Variants in ARMH4 observed in about 807,000 individuals in gnomAD.
The protein encoded by ARMH4 is armadillo-like helical domain-containing protein 4.
In ARMH4, 49 loss-of-function variants were observed where a neutral mutation model predicts 61.9. The observed-to-expected ratio is 0.79, with a 90% CI of 0.63 to 1.00. The LOEUF (loss-of-function observed/expected upper bound fraction) is 1.00. Ranked by LOEUF, ARMH4 falls within the 50% of genes least tolerant of loss-of-function variation. ARMH4 has a pLI of 0.00. For missense variants in ARMH4, 934 were observed against 930.0 expected (o/e 1.00, Z -0.06); for synonymous variants, 368 against 341.5 (o/e 1.08, Z -0.85).
intron 4 of ARMH4, among the ~76,000 whole-genome samples, chr14:58,123,226 T>C (rs1019344817): frequency 5.3e-5 from 8 of 152,072 alleles, no homozygotes; most frequent in African/African-American, 1.9e-4. Flanking sequence ...CACCTGAACA[T>C]AGGAGAAGGA....
intron 5 of ARMH4, among the ~76,000 whole-genome samples, chr14:58,054,777 A>AG (rs2141205464): frequency 6.6e-6 from 1 of 151,860 alleles, no homozygotes; most frequent in African/African-American, 2.4e-5. Context: ...AGGCACCTGT[A>AG]ATGCCAGAAG....
At chr14:58,128,867 G>C (rs1253077149) in intron 4 of ARMH4, among the ~76,000 whole-genome samples, 2 of 152,182 alleles carry the variant, frequency 1.3e-5, no homozygotes, top group Admixed American at 6.5e-5. Context: ...CAGGGTCTTG[G>C]CATACATAAT....
chr14:58,141,567 C>T, intron 1 of ARMH4: 2 of 504,434 alleles, frequency 4.0e-6, no homozygotes. Context: ...AGATGATCTG[C>T]TGCAAGTGCT....
chr14:58,031,496 T>C (rs1883228132), intron 5 of ARMH4, among the ~76,000 whole-genome samples: 2 of 152,250 alleles, frequency 1.3e-5, no homozygotes, highest in South Asian at 4.1e-4. Flanking sequence ...CTGCAGCAAG[T>C]TACAAATGTA....
intron 1 of ARMH4, among the ~76,000 whole-genome samples, chr14:58,149,022 T>C (rs1316771809): frequency 6.6e-6 from 1 of 152,218 alleles, no homozygotes; most frequent in African/African-American, 2.4e-5. Flanking sequence ...GTCTTAATAA[T>C]CTTTCCATTT....
At chr14:58,058,159 T>C (rs528809254) in intron 5 of ARMH4, among the ~76,000 whole-genome samples, 4 of 152,364 alleles carry the variant, frequency 2.6e-5, no homozygotes, top group South Asian at 4.1e-4. Context: ...TTCAAGGTAA[T>C]GATATAAAAT....
rs1001211483 is a variant in ARMH4, at chr14:58,035,053, C to T, written c.2090-22903G>A. Among the ~76,000 whole-genome samples the T allele has an allele frequency of 2.8e-5, 4 of 142,318 alleles. No individual in the cohort carries two copies. In the Admixed American group the frequency reaches 2.8e-4, roughly 10 times the overall value. 93.4% of individuals were successfully genotyped at this position (142,318 alleles called of 152,430 possible). ...TTAACTCAGCTCTGCACCAAGCGGA[C>T]CTAATAGACATCTACAGAACTCTCC... On this transcript the variant is annotated intron_variant, in intron 5 of 7. Coordinates refer to ENST00000267485, the MANE Select transcript of ARMH4 (RefSeq NM_001001872.4).
intron 3 of ARMH4, 140 bp from the exon 4 acceptor site, chr14:58,131,861 C>T: frequency 1.4e-6 from 1 of 695,742 alleles, no homozygotes; most frequent in Non-Finnish European, 2.4e-6. Context: ...GTCAGCTCTC[C>T]TTTCCCATAT....
At chr14:58,065,844 T>C (rs752673861) in intron 5 of ARMH4, among the ~76,000 whole-genome samples, 4 of 152,260 alleles carry the variant, frequency 2.6e-5, no homozygotes, top group African/African-American at 7.2e-5. Flanking sequence ...TGTTGTGAGC[T>C]GCATTGTGGT....
At chr14:58,013,662 A>G (rs1207328035) in intron 5 of ARMH4, among the ~76,000 whole-genome samples, 1 of 152,204 alleles carries the variant, frequency 6.6e-6, no homozygotes, top group East Asian at 1.9e-4. Context: ...CATGAAAGTC[A>G]GGTCAGATTA....
rs1161153358 is a variant in ARMH4 at position 58,012,666 on chromosome 14, G to C, written c.2090-516C>G. Among the ~76,000 whole-genome samples, 3 of 152,140 alleles carry C rather than the reference G, an allele frequency of 2.0e-5. No homozygotes were observed. In the East Asian group the frequency reaches 5.8e-4, roughly 29 times the overall value. On this transcript the variant is annotated intron_variant, in intron 5 of 7. Transcript: ENST00000267485. ...TGAAGAAGCAAGGATTGGATGAAAG[G>C]CAAGAATAAGAAGTATTTCAGAAAG...
intron 5 of ARMH4, among the ~76,000 whole-genome samples, chr14:58,042,534 A>G (rs1190821160): frequency 1.3e-5 from 2 of 152,148 alleles, no homozygotes; most frequent in Admixed American, 1.3e-4. Flanking sequence ...ATCACAATTA[A>G]AAGAACTAGA....
chr14:58,141,474 C>A (rs1887548821), intron 1 of ARMH4: 1 of 537,738 alleles, frequency 1.9e-6, no homozygotes, highest in Admixed American at 2.0e-5. Context: ...AGAAAGAGTC[C>A]ACCCTAAACC....
intron 5 of ARMH4, among the ~76,000 whole-genome samples, chr14:58,050,917 T>C (rs17808034): frequency 0.29 from 44,664 of 151,884 alleles, 7,445 homozygotes; most frequent in Non-Finnish European, 0.37. Context: ...ATCTTAATGG[T>C]ATCAACAGTA....
At chr14:58,052,916 T>C (rs1260533175) in intron 5 of ARMH4, among the ~76,000 whole-genome samples, 1 of 152,136 alleles carries the variant, frequency 6.6e-6, no homozygotes, top group Non-Finnish European at 1.5e-5. Flanking sequence ...GGTTCTGCCC[T>C]GCTCTCTCTC....
At chr14:58,027,636 CTGTG>C in intron 5 of ARMH4, among the ~76,000 whole-genome samples, 1 of 151,438 alleles carries the variant, frequency 6.6e-6, no homozygotes, top group East Asian at 1.9e-4. Flanking sequence ...ACACAGTTAC[CTGTG>C]TGTGTGTGTG....
intron 5 of ARMH4, among the ~76,000 whole-genome samples, chr14:58,057,339 C>T (rs373201499): frequency 8.5e-5 from 13 of 152,130 alleles, no homozygotes; most frequent in Non-Finnish European, 1.5e-4. Flanking sequence ...TTAGGTACTA[C>T]GCAATTTGTT....
At chr14:58,074,704 C>T (rs1884990066) in intron 5 of ARMH4, among the ~76,000 whole-genome samples, 1 of 151,872 alleles carries the variant, frequency 6.6e-6, no homozygotes, top group Non-Finnish European at 1.5e-5. Flanking sequence ...TAAATAGCCT[C>T]GAAAGCCCAG....
chr14:58,073,254 T>C (rs567149365), intron 5 of ARMH4, among the ~76,000 whole-genome samples: 2 of 152,350 alleles, frequency 1.3e-5, no homozygotes, highest in East Asian at 1.9e-4. Flanking sequence ...ATCATTCTTA[T>C]GCCATTTTTA....
Sources: allele counts gnomAD v4.1 joint callset (sites outside exome capture counted in the v4.1 genomes callset), GRCh38; gene constraint gnomAD v4.1.1; transcripts MANE v1.5; gene names NCBI Gene and HGNC (gene_info 2026-07-23, HGNC 2026-07-21).